LHFPL3: variants seen among roughly 807,000 people sequenced by gnomAD.
LHFPL3 encodes LHFPL tetraspan subfamily member 3.
Under a neutral mutation model 19.3 loss-of-function variants are expected in LHFPL3, and 5 were observed. That is an observed-to-expected ratio of 0.26 (90% CI 0.14 to 0.54). LHFPL3 has a LOEUF of 0.54. Ranked by LOEUF, LHFPL3 falls within the 20% of genes least tolerant of loss-of-function variation. LHFPL3 has a pLI of 0.94. For missense variants in LHFPL3, 249 were observed against 307.4 expected (o/e 0.81, Z 1.42); for synonymous variants, 133 against 126.2 (o/e 1.05, Z -0.36).
chr7:104,331,050 A>G lies in LHFPL3; in HGVS notation c.445+1826A>G, dbSNP rs556063736. ...ACGTATTCTTCAATGTTTGATTTTT[A>G]TGAGGTTTCCTACTCTAACCCCCCG... On this transcript the variant is annotated intron_variant, in intron 1 of 2. Coordinates refer to ENST00000424859, the MANE Select transcript of LHFPL3 (RefSeq NM_199000.3). Among the ~76,000 whole-genome samples the G allele has an allele frequency of 5.5e-4, 84 of 152,346 alleles. 1 individual carries two copies. In the South Asian group the frequency reaches 0.017, roughly 31 times the overall value.
intron 1 of LHFPL3, among the ~76,000 whole-genome samples, chr7:104,640,240 A>T (rs1210247250): frequency 6.6e-6 from 1 of 152,172 alleles, no homozygotes; most frequent in Non-Finnish European, 1.5e-5. Context: ...CTCTGCATGC[A>T]TTAGGTATTT....
chr7:104,526,880 C>T (rs1444375689), intron 1 of LHFPL3, among the ~76,000 whole-genome samples: 2 of 152,098 alleles, frequency 1.3e-5, no homozygotes, highest in Non-Finnish European at 2.9e-5. Flanking sequence ...AGTCCCTGCC[C>T]ATATGGTGCA....
chr7:104,621,701 G>GC (rs1376333694), intron 1 of LHFPL3, among the ~76,000 whole-genome samples: 1 of 152,190 alleles, frequency 6.6e-6, no homozygotes, highest in African/African-American at 2.4e-5. Flanking sequence ...TGTTTCTGTA[G>GC]CCAGGAGAGG....
rs185981896 is a variant in LHFPL3, at chr7:104,870,080, G to T, written c.683-36107G>T. Reference sequence around the variant, plus strand: ...CACAGGAAGGGGAACATCACACACCGGGGCCTGCTGTGGGGTGGGGGGACG... The same window carrying T: ...CACAGGAAGGGGAACATCACACACCTGGGCCTGCTGTGGGGTGGGGGGACG... On this transcript the variant is annotated intron_variant, in intron 2 of 2. Transcript: ENST00000424859. 3.3e-5 allele frequency among the ~76,000 whole-genome samples: 5 copies of T among 152,046 alleles called. No individual in the cohort carries two copies. The South Asian group carries it at 1.0e-3, about 32-fold the overall frequency.
chr7:104,346,307 C>A (rs758071371), intron 1 of LHFPL3, among the ~76,000 whole-genome samples: 2 of 150,520 alleles, frequency 1.3e-5, no homozygotes, highest in African/African-American at 4.9e-5. Context: ...AAGTGTTATT[C>A]CATATTTTTA....
intron 1 of LHFPL3, among the ~76,000 whole-genome samples, chr7:104,621,495 C>A (rs1012929932): frequency 6.6e-6 from 1 of 152,202 alleles, no homozygotes; most frequent in Non-Finnish European, 1.5e-5. Context: ...ACAAAGATCA[C>A]TGAAGAGTGT....
intron 1 of LHFPL3, among the ~76,000 whole-genome samples, chr7:104,358,626 T>C (rs1220672337): frequency 1.3e-5 from 2 of 152,284 alleles, no homozygotes; most frequent in East Asian, 3.9e-4. Flanking sequence ...CAATACAGCA[T>C]TGGGTGACTT....
At chr7:104,362,895 G>A (rs1161872507) in intron 1 of LHFPL3, among the ~76,000 whole-genome samples, 1 of 152,158 alleles carries the variant, frequency 6.6e-6, no homozygotes. Flanking sequence ...AAAACCAGAT[G>A]AGCAAGTTTA....
chr7:104,506,570 T>C (rs1166927322), intron 1 of LHFPL3, among the ~76,000 whole-genome samples: 1 of 152,232 alleles, frequency 6.6e-6, no homozygotes, highest in African/African-American at 2.4e-5. Flanking sequence ...TTAGTGCTCA[T>C]TAGATACATG....
chr7:104,772,641 AAAG>A (rs1186454988), intron 2 of LHFPL3, among the ~76,000 whole-genome samples: 3 of 152,256 alleles, frequency 2.0e-5, no homozygotes, highest in Non-Finnish European at 4.4e-5. Flanking sequence ...ACACAGAGAT[AAAG>A]AAGAACACAG....
intron 1 of LHFPL3, among the ~76,000 whole-genome samples, chr7:104,645,654 C>CTTTTTTTTTTTTTTTTT (rs869151153): frequency 1.2e-5 from 1 of 81,618 alleles, no homozygotes; most frequent in African/African-American, 5.1e-5. Flanking sequence ...ATTGGGTTTT[C>CTTTTTTTTTTTTTTTTT]TTTTTTTTTT....
intron 1 of LHFPL3, among the ~76,000 whole-genome samples, chr7:104,706,208 C>T (rs747440918): frequency 2.0e-5 from 3 of 152,148 alleles, no homozygotes. Flanking sequence ...TCATCATCAT[C>T]TGACCACACC....
chr7:104,507,757 T>C lies in LHFPL3; in HGVS notation c.445+178533T>C, dbSNP rs1369472279. 7.6e-3 allele frequency among the ~76,000 whole-genome samples: 1,023 copies of C among 134,010 alleles called. 12 individuals are homozygous for C. The highest frequency in any genetic ancestry group is 9.9e-3 in the Non-Finnish European group (621 of 62,424). The allele number at this position is 134,010 out of a possible 152,430, so 87.9% of individuals were successfully genotyped here. A position where few individuals can be genotyped will look rare whatever the true frequency, so the allele number is the denominator to read the frequency against. On this transcript the variant is annotated intron_variant, in intron 1 of 2. Coordinates refer to ENST00000424859, the MANE Select transcript of LHFPL3 (RefSeq NM_199000.3). ...AATCTGCAATGAACTCAAACAAATT[T>C]ACAAGAAAAAAACAAACAACCCCAT...
At chr7:104,557,550 G>T (rs1390120084) in intron 1 of LHFPL3, among the ~76,000 whole-genome samples, 1 of 152,168 alleles carries the variant, frequency 6.6e-6, no homozygotes. Context: ...AATTGTGGGA[G>T]TTACAATTCA....
chr7:104,860,410 A>G (rs141551527), intron 2 of LHFPL3, among the ~76,000 whole-genome samples: 191 of 152,310 alleles, frequency 1.3e-3, no homozygotes, highest in African/African-American at 4.3e-3. Flanking sequence ...TCAAAGGCTG[A>G]TCAAGCACTT....
intron 1 of LHFPL3, among the ~76,000 whole-genome samples, chr7:104,713,633 G>T (rs1403543039): frequency 1.3e-5 from 2 of 152,134 alleles, no homozygotes; most frequent in Non-Finnish European, 2.9e-5. Flanking sequence ...AATGAGATTT[G>T]CGTGGGGAGG....
chr7:104,519,615 C>G (rs1330380079), intron 1 of LHFPL3, among the ~76,000 whole-genome samples: 1 of 152,108 alleles, frequency 6.6e-6, no homozygotes, highest in East Asian at 1.9e-4. Flanking sequence ...TGTATTTACT[C>G]CTCCAGCTGA....
At chr7:104,869,273 A>C (rs1791787523) in intron 2 of LHFPL3, among the ~76,000 whole-genome samples, 1 of 152,246 alleles carries the variant, frequency 6.6e-6, no homozygotes, top group Non-Finnish European at 1.5e-5. Flanking sequence ...TCTGCACAGC[A>C]AAAGAAACTA....
chr7:104,715,405 T>C (rs1396566222), intron 1 of LHFPL3, among the ~76,000 whole-genome samples: 1 of 152,226 alleles, frequency 6.6e-6, no homozygotes, highest in East Asian at 1.9e-4. Context: ...TTTGAAGTTT[T>C]AAAAGCATTA....
Sources: gnomAD v4.1 joint callset for allele counts (sites outside exome capture counted in the v4.1 genomes callset) on GRCh38, gnomAD v4.1.1 for gene constraint, MANE v1.5 for transcripts, NCBI Gene and HGNC (gene_info 2026-07-23, HGNC 2026-07-21) for gene names.